Variants in DNAH6 observed in about 807,000 individuals in gnomAD.
The protein encoded by DNAH6 is dynein axonemal heavy chain 6, also known as axonemal beta dynein heavy chain 6.
A neutral mutation model predicts 491.4 loss-of-function variants in DNAH6; 340 were observed. The ratio of observed to expected loss-of-function variants is 0.69; its 90% CI spans 0.63 to 0.76. The LOEUF (loss-of-function observed/expected upper bound fraction) is 0.76, where lower values mean the gene tolerates loss of function less well. Ranked by LOEUF, DNAH6 falls within the 30% of genes least tolerant of loss-of-function variation. The pLI is 0.00. For synonymous variants in DNAH6, 1,603 were observed against 1,686.1 expected (o/e 0.95, Z 1.21); for missense variants, 4,443 against 4,972.2 (o/e 0.89, Z 3.20).
At chr2:84,709,227 A>T in intron 54 of DNAH6, 116 bp from the exon 55 acceptor site, 1 of 1,020,008 alleles carries the variant, frequency 9.8e-7, no homozygotes, top group Non-Finnish European at 1.5e-6. Context: ...ATCTGTGGAG[A>T]CTGGGAGGGC....
At chr2:84,494,047 C>T in the DNAH6 span, among the ~76,000 whole-genome samples, 1 of 152,150 alleles carries the variant, frequency 6.6e-6, no homozygotes, top group African/African-American at 2.4e-5. Context: ...AGAGTGAGAT[C>T]AGAGGCAGCA....
intron 22 of DNAH6, 97 bp downstream of exon 22, chr2:84,611,951 A>G: frequency 9.3e-7 from 1 of 1,076,820 alleles, no homozygotes; most frequent in South Asian, 1.8e-5. Flanking sequence ...GAATCTAATA[A>G]CATATGGTCC....
intron 68 of DNAH6, among the ~76,000 whole-genome samples, 200 bp downstream of exon 68, chr2:84,787,502 G>A (rs1677321938): frequency 6.9e-6 from 1 of 145,762 alleles, no homozygotes; most frequent in Non-Finnish European, 1.5e-5. Flanking sequence ...ACAGAAAATG[G>A]GACAGCTGCT....
chr2:84,541,959 A>G (rs915060668), intron 4 of DNAH6, among the ~76,000 whole-genome samples: 2 of 152,180 alleles, frequency 1.3e-5, no homozygotes, highest in African/African-American at 2.4e-5. Flanking sequence ...TGATGATCCA[A>G]CCTTTGAAAG....
chr2:84,633,100 C>T (rs1295095903), intron 29 of DNAH6, among the ~76,000 whole-genome samples: 3 of 152,112 alleles, frequency 2.0e-5, no homozygotes, highest in Non-Finnish European at 2.9e-5. Flanking sequence ...TGTATGCACA[C>T]GGAGCAGCCA....
chr2:84,514,947 T>G (rs772795187), upstream of DNAH6, among the ~76,000 whole-genome samples: 1 of 151,396 alleles, frequency 6.6e-6, no homozygotes, highest in Non-Finnish European at 1.5e-5. Context: ...AACAGTTGTG[T>G]ACAATCCACC....
intron 37 of DNAH6, among the ~76,000 whole-genome samples, chr2:84,667,683 G>A (rs370176298): frequency 1.3e-5 from 2 of 152,142 alleles, no homozygotes; most frequent in South Asian, 2.1e-4. Context: ...ACAGTGTGGC[G>A]ATTCCTCAAG....
chr2:84,651,862 C>T (rs1233632841), intron 33 of DNAH6, among the ~76,000 whole-genome samples: 3 of 151,882 alleles, frequency 2.0e-5, no homozygotes, highest in Non-Finnish European at 4.4e-5. Flanking sequence ...TCATGTATTA[C>T]CTTTAATACA....
chr2:84,799,263 C>T (rs59924802), intron 70 of DNAH6, among the ~76,000 whole-genome samples: 3,744 of 152,326 alleles, frequency 0.025, 125 homozygotes, highest in African/African-American at 0.081. Flanking sequence ...GCTGGGATTA[C>T]AGGCATGAGC....
chr2:84,619,952 C>T (rs2104393260), intron 24 of DNAH6, 48 bp downstream of exon 24: 1 of 1,436,966 alleles, frequency 7.0e-7, no homozygotes. Flanking sequence ...TTTGCTACTC[C>T]TCTAGGGTTA....
chr2:84,699,638 T>C lies in DNAH6; in HGVS notation c.7722T>C (p.Ile2574=). ...GCAAAGTGCGTCAGAAGCTGCACAT[T>C]GTTCTCTGCATGAGCCCAGTTGGGG... ...FISKVRQKLH[I]VLCMSPVGEA... is the part of the protein sequence containing the mutation. Residue 2574 remains isoleucine (I), a synonymous_variant, in exon 48 of 77, where the codon ATT becomes ATC. Coordinates refer to ENST00000389394, the MANE Select transcript of DNAH6 (RefSeq NM_001370.2). The C allele has an allele frequency of 6.4e-7, 1 of 1,551,806 alleles. No individual in the cohort carries two copies. Among genetic ancestry groups the C allele is most frequent in the Non-Finnish European group, 8.7e-7 (1 of 1,146,984 alleles).
chr2:84,629,232 A>G (rs1688167819), intron 29 of DNAH6, among the ~76,000 whole-genome samples: 1 of 152,212 alleles, frequency 6.6e-6, no homozygotes, highest in South Asian at 2.1e-4. Context: ...AAGCATTATT[A>G]CACAGATCTC....
intron 13 of DNAH6, among the ~76,000 whole-genome samples, chr2:84,579,122 T>A (rs768375127): frequency 1.3e-5 from 2 of 152,180 alleles, no homozygotes; most frequent in Non-Finnish European, 2.9e-5. Context: ...AAAAAAGCCA[T>A]GTTCCTATTT....
chr2:84,582,450 T>C (rs191755396), intron 14 of DNAH6, among the ~76,000 whole-genome samples: 62 of 152,240 alleles, frequency 4.1e-4, no homozygotes, highest in African/African-American at 1.3e-3. Context: ...AATCTGTTTT[T>C]GTTTTTGTTT....
intron 4 of DNAH6, among the ~76,000 whole-genome samples, chr2:84,535,836 A>G (rs1573534827): frequency 6.6e-6 from 1 of 151,998 alleles, no homozygotes. Context: ...CAACAGCACT[A>G]TTTAGAGTCT....
chr2:84,476,749 G>A, the DNAH6 span, among the ~76,000 whole-genome samples: 6 of 152,206 alleles, frequency 3.9e-5, no homozygotes, highest in South Asian at 2.1e-4. Flanking sequence ...CCCTCGTTCC[G>A]TGAACCATGG....
At position 84,611,688 on chromosome 2, in the gene DNAH6, C is replaced by T; in HGVS notation, c.3309C>T (p.Thr1103=). 6.4e-7 allele frequency: 1 copy of T among 1,550,544 alleles called. No individual in the cohort carries two copies. The highest frequency in any genetic ancestry group is 1.2e-5 in the South Asian group (1 of 83,858). Residue 1103 remains threonine (T), a synonymous_variant, in exon 22 of 77, where the codon ACC becomes ACT. Coordinates refer to ENST00000389394, the MANE Select transcript of DNAH6 (RefSeq NM_001370.2). ...LFNQTLEEWL[T]CQRNWLYLES... ...TTTTCTCCTAGGAAGAGTGGCTGAC[C>T]TGCCAGAGAAACTGGCTCTACCTAG...
chr2:84,706,837 A>C, intron 52 of DNAH6, 59 bp from the exon 53 acceptor site: 1 of 1,502,480 alleles, frequency 6.7e-7, no homozygotes, highest in African/African-American at 1.4e-5. Context: ...CTGTATTATT[A>C]ATGGGCAAAT....
At chr2:84,716,941 C>T (rs1215321201) in intron 58 of DNAH6, among the ~76,000 whole-genome samples, 1 of 152,196 alleles carries the variant, frequency 6.6e-6, no homozygotes, top group African/African-American at 2.4e-5. Flanking sequence ...TGCTGAGCTC[C>T]TGGACAGGCA....
Sources: gnomAD v4.1 joint callset for allele counts (sites outside exome capture counted in the v4.1 genomes callset) on GRCh38, gnomAD v4.1.1 for gene constraint, MANE v1.5 for transcripts, NCBI Gene and HGNC (gene_info 2026-07-23, HGNC 2026-07-21) for gene names.